The following GABBR2 variants were observed in gnomAD, a reference collection of about 807,000 sequenced individuals.
The protein encoded by GABBR2 is G-protein coupled receptor 51.
A neutral mutation model predicts 105.6 loss-of-function variants in GABBR2; 23 were observed. The ratio of observed to expected loss-of-function variants is 0.22; its 90% CI spans 0.16 to 0.31. The LOEUF is 0.31. Ranked by LOEUF, GABBR2 falls within the 10% of genes least tolerant of loss-of-function variation. GABBR2 has a pLI of 1.00. For missense variants in GABBR2, 734 were observed against 1,245.5 expected (o/e 0.59, Z 6.18); for synonymous variants, 478 against 499.7 (o/e 0.96, Z 0.58).
In GABBR2 at chr9:98,588,489, C is replaced by T. The variant is rs577780677; in HGVS notation, c.322-10417G>A. ...GCATTTGCCTGTGCCAGGCACTATT[C>T]TAATTGCTGTATATACACTAACTCA... On this transcript the variant is annotated intron_variant, in intron 1 of 18. Coordinates refer to ENST00000259455, the MANE Select transcript of GABBR2 (RefSeq NM_005458.8). 2.6e-5 allele frequency among the ~76,000 whole-genome samples: 4 copies of T among 152,348 alleles called. No homozygotes were observed. In the South Asian group the frequency reaches 8.3e-4, roughly 32 times the overall value.
At chr9:98,694,439 A>G (rs1417294654) in intron 1 of GABBR2, among the ~76,000 whole-genome samples, 3 of 152,188 alleles carry the variant, frequency 2.0e-5, no homozygotes, top group Non-Finnish European at 4.4e-5. Flanking sequence ...CACGTTAACT[A>G]CCTCTTGTTC....
Position 98,447,114 on chromosome 9 carries a change from T to G in GABBR2, c.1236+6867A>C, listed in dbSNP as rs985963767. On this transcript the variant is annotated intron_variant, in intron 7 of 18. Transcript: ENST00000259455. The stretch of plus-strand genomic sequence containing the variant: ...TCTCGCTCTGTCGCCCAGGCTGGAG[T>G]GCAGTGGCGCAATCTCGGCTCACTG... Among the ~76,000 whole-genome samples the G allele has an allele frequency of 2.9e-4, 31 of 108,320 alleles. 2 individuals are homozygous for G. Among genetic ancestry groups the G allele is most frequent in the African/African-American group, 9.8e-4 (29 of 29,720 alleles). 71.1% of individuals were successfully genotyped at this position (108,320 alleles called of 152,430 possible).
At chr9:98,680,326 GAC>G (rs1361586241) in intron 1 of GABBR2, among the ~76,000 whole-genome samples, 1 of 151,552 alleles carries the variant, frequency 6.6e-6, no homozygotes, top group Non-Finnish European at 1.5e-5. Context: ...ATTTTTTTGA[GAC>G]AGAGTCTCGC....
rs750183785 is a variant in GABBR2 at position 98,708,633 on chromosome 9, C to T, written c.105G>A (p.Leu35=). The change falls in exon 1 of 19, where the codon CTG becomes CTA. Residue 35 remains leucine, a synonymous_variant. Coordinates refer to ENST00000259455, the MANE Select transcript of GABBR2 (RefSeq NM_005458.8). ...GCGCCCAGCCCCAGGCCCCGGGCGC[C>T]AGAGGCAGCAGCAGCGGCAGCAGCA... ...LLLLLPLLLP[L]APGAWGWARG... 1 of 1,266,202 alleles carries T rather than the reference C, an allele frequency of 7.9e-7. No individual in the cohort carries two copies. The highest frequency in any genetic ancestry group is 3.0e-5 in the South Asian group (1 of 32,912). The allele number at this position is 1,266,202 out of a possible 1,614,324, so 78.4% of individuals were successfully genotyped here. A position where few individuals can be genotyped will look rare whatever the true frequency, so the allele number is the denominator to read the frequency against.
chr9:98,551,780 C>T (rs541437390), intron 2 of GABBR2, among the ~76,000 whole-genome samples: 9 of 152,238 alleles, frequency 5.9e-5, no homozygotes, highest in East Asian at 1.9e-4. Context: ...TTTAGGGAGC[C>T]GGGACATTTA....
intron 13 of GABBR2, among the ~76,000 whole-genome samples, chr9:98,322,371 G>C (rs2117609): frequency 6.6e-6 from 1 of 152,004 alleles, no homozygotes; most frequent in Non-Finnish European, 1.5e-5. Context: ...ACATGCAGGT[G>C]AATGCACCTG....
chr9:98,501,569 G>A (rs1010485214), intron 3 of GABBR2, among the ~76,000 whole-genome samples: 2 of 152,160 alleles, frequency 1.3e-5, no homozygotes, highest in African/African-American at 4.8e-5. Flanking sequence ...AGTTCTGCTT[G>A]CCTTTATCAG....
At chr9:98,593,333 G>A (rs549415878) in intron 1 of GABBR2, among the ~76,000 whole-genome samples, 1 of 152,288 alleles carries the variant, frequency 6.6e-6, no homozygotes, top group Admixed American at 6.5e-5. Flanking sequence ...CTGAGGACAG[G>A]GACGACGACC....
At chr9:98,509,784 C>A (rs1287488490) in intron 3 of GABBR2, among the ~76,000 whole-genome samples, 4 of 152,212 alleles carry the variant, frequency 2.6e-5, no homozygotes, top group African/African-American at 9.6e-5. Flanking sequence ...AAGACCAGAT[C>A]TATGTCTGAT....
chr9:98,593,662 A>G (rs1442963726), intron 1 of GABBR2, among the ~76,000 whole-genome samples: 1 of 152,066 alleles, frequency 6.6e-6, no homozygotes, highest in Non-Finnish European at 1.5e-5. Flanking sequence ...TTCCCTTGGG[A>G]GCCATGTCCC....
chr9:98,476,156 T>C (rs16916353), intron 5 of GABBR2, among the ~76,000 whole-genome samples: 6,238 of 152,322 alleles, frequency 0.041, 204 homozygotes, highest in East Asian at 0.14. Context: ...ACACATGTGA[T>C]AATTAAGACC....
intron 11 of GABBR2, among the ~76,000 whole-genome samples, chr9:98,373,173 T>A (rs992314034): frequency 6.6e-6 from 1 of 152,226 alleles, no homozygotes; most frequent in African/African-American, 2.4e-5. Flanking sequence ...AATACATTTG[T>A]CATCTGTCAG....
intron 2 of GABBR2, among the ~76,000 whole-genome samples, chr9:98,568,889 C>T (rs2131771332): frequency 6.6e-6 from 1 of 152,314 alleles, no homozygotes; most frequent in Non-Finnish European, 1.5e-5. Context: ...CTTGACTGCA[C>T]TGGGCATCTG....
chr9:98,450,427 C>A (rs982886029), intron 7 of GABBR2, among the ~76,000 whole-genome samples: 1 of 151,970 alleles, frequency 6.6e-6, no homozygotes, highest in African/African-American at 2.4e-5. Context: ...GTGACAAGCA[C>A]CTATTAATAT....
chr9:98,486,340 T>C (rs1156474674), intron 4 of GABBR2, among the ~76,000 whole-genome samples: 1 of 152,202 alleles, frequency 6.6e-6, no homozygotes, highest in African/African-American at 2.4e-5. Context: ...AGAAAAGTCA[T>C]GCAGATGTTG....
At chr9:98,551,933 C>T (rs563827777) in intron 2 of GABBR2, 4 of 152,294 alleles carry the variant, frequency 2.6e-5, no homozygotes, top group East Asian at 1.9e-4. Context: ...CTATGCTTCG[C>T]GAACATTGAA....
intron 3 of GABBR2, among the ~76,000 whole-genome samples, chr9:98,529,126 G>A (rs1038830638): frequency 2.7e-5 from 4 of 150,724 alleles, no homozygotes; most frequent in Admixed American, 6.6e-5. Flanking sequence ...TCCCATCCCC[G>A]AATCCTTGAA....
At chr9:98,352,667 C>T (rs2131426430) in intron 13 of GABBR2, among the ~76,000 whole-genome samples, 1 of 152,160 alleles carries the variant, frequency 6.6e-6, no homozygotes, top group East Asian at 1.9e-4. Context: ...GGTCCTGCTG[C>T]TGGAGGGGGA....
intron 6 of GABBR2, among the ~76,000 whole-genome samples, chr9:98,461,373 C>A (rs1461306874): frequency 6.6e-6 from 1 of 151,924 alleles, no homozygotes; most frequent in Admixed American, 6.6e-5. Context: ...ATAAGTAGAC[C>A]AAAGGAAGAT....
Sources: allele counts gnomAD v4.1 joint callset (sites outside exome capture counted in the v4.1 genomes callset), GRCh38; gene constraint gnomAD v4.1.1; transcripts MANE v1.5; gene names NCBI Gene and HGNC (gene_info 2026-07-23, HGNC 2026-07-21).